WWOX: variants seen among roughly 807,000 people sequenced by gnomAD.
WWOX encodes WW domain-containing oxidoreductase.
In WWOX, 69 loss-of-function variants were observed where a neutral mutation model predicts 46.2. The observed-to-expected ratio is 1.49, with a 90% CI of 1.23 to 1.82. WWOX has a LOEUF of 1.82. WWOX is among the 40% of genes most tolerant of loss of function. The pLI, the probability that WWOX is intolerant of heterozygous loss-of-function variation, is 0.00. For synonymous variants in WWOX, 359 were observed against 202.6 expected (o/e 1.77, Z -6.56); for missense variants, 919 against 542.6 (o/e 1.69, Z -6.89).
At chr16:78,655,068 C>T (rs2047050594) in intron 8 of WWOX, among the ~76,000 whole-genome samples, 3 of 152,088 alleles carry the variant, frequency 2.0e-5, no homozygotes, top group African/African-American at 4.8e-5. Context: ...CTTCTGTGAC[C>T]TTCTCACCTG....
chr16:79,189,233 A>G (rs774237573), intron 8 of WWOX, among the ~76,000 whole-genome samples: 3 of 151,972 alleles, frequency 2.0e-5, no homozygotes, highest in Non-Finnish European at 4.4e-5. Flanking sequence ...ACAGGCATCT[A>G]TTAGGAAAGC....
chr16:78,162,591 C>T (rs1279200969), intron 4 of WWOX, among the ~76,000 whole-genome samples: 1 of 152,040 alleles, frequency 6.6e-6, no homozygotes, highest in Non-Finnish European at 1.5e-5. Flanking sequence ...CATACACATA[C>T]ATATTTCTGC....
rs542886854 is a variant in WWOX, at chr16:78,338,847, TAC to T, written c.517-48011_517-48010del. 1.3e-4 allele frequency among the ~76,000 whole-genome samples: 16 copies of T among 121,152 alleles called. 1 individual carries two copies. The East Asian group carries it at 2.1e-3, about 16-fold the overall frequency. 79.5% of individuals were successfully genotyped at this position (121,152 alleles called of 152,430 possible). A position where few individuals can be genotyped will look rare whatever the true frequency, so the allele number is the denominator to read the frequency against. ...TTTCTTTTTCTTTTTGTAAAAATTG[TAC>T]AGAGTTTAAAGTTAGTCAGGTATGT... On this transcript the variant is annotated intron_variant, in intron 5 of 8. Transcript: ENST00000566780.
chr16:78,932,597 C>T (rs977625815), intron 8 of WWOX, among the ~76,000 whole-genome samples: 1 of 152,310 alleles, frequency 6.6e-6, no homozygotes, highest in South Asian at 2.1e-4. Flanking sequence ...CAAGAGGTGC[C>T]GACCAAGCGC....
chr16:78,333,951 C>G (rs577121372), intron 5 of WWOX, among the ~76,000 whole-genome samples: 1 of 151,470 alleles, frequency 6.6e-6, no homozygotes, highest in Non-Finnish European at 1.5e-5. Context: ...CTTGCGTGAT[C>G]CACTGATGGT....
At position 78,348,233 on chromosome 16, in the gene WWOX, G is replaced by A. The variant is rs2081125924; in HGVS notation, c.517-38627G>A. Among the ~76,000 whole-genome samples, 2 of 121,398 alleles carry A rather than the reference G, an allele frequency of 1.6e-5. 1 individual carries two copies. The highest frequency in any genetic ancestry group is 1.6e-4 in the Admixed American group (2 of 12,474). 79.6% of individuals were successfully genotyped at this position (121,398 alleles called of 152,430 possible). On this transcript the variant is annotated intron_variant, in intron 5 of 8. Coordinates refer to ENST00000566780, the MANE Select transcript of WWOX (RefSeq NM_016373.4). ...GGCAGAAGCCCAGAAGAGACTTCATGTACTGTGACTGTAATAAAGAGGGTT... is the reference window on the plus strand; with the variant it reads ...GGCAGAAGCCCAGAAGAGACTTCATATACTGTGACTGTAATAAAGAGGGTT...
chr16:79,174,200 G>A (rs949721372), intron 8 of WWOX, among the ~76,000 whole-genome samples: 2 of 152,190 alleles, frequency 1.3e-5, no homozygotes, highest in Non-Finnish European at 2.9e-5. Flanking sequence ...GCTTCCCTCA[G>A]CCCAGTTTTC....
In WWOX at chr16:78,412,155, G is replaced by C. The variant is rs141950797; in HGVS notation, c.606-12715G>C. Among the ~76,000 whole-genome samples, 19 of 152,328 alleles carry C rather than the reference G, an allele frequency of 1.2e-4. No individual in the cohort carries two copies. In the South Asian group the frequency reaches 1.9e-3, roughly 15 times the overall value. Reference sequence around the variant, plus strand: ...TTTAGGGGTTCCTAATGAGCCTAGAGATACTGACATTGACCAGTCATGGAG... The same window carrying C: ...TTTAGGGGTTCCTAATGAGCCTAGACATACTGACATTGACCAGTCATGGAG... On this transcript the variant is annotated intron_variant, in intron 6 of 8. Coordinates refer to ENST00000566780, the MANE Select transcript of WWOX (RefSeq NM_016373.4).
chr16:78,568,064 C>A (rs895642055), intron 8 of WWOX, among the ~76,000 whole-genome samples: 46 of 152,132 alleles, frequency 3.0e-4, no homozygotes, highest in Admixed American at 1.3e-4. Context: ...ACAGTGCCTG[C>A]GAGAGACTCT....
intron 8 of WWOX, among the ~76,000 whole-genome samples, chr16:78,497,507 G>A (rs997511357): frequency 1.9e-4 from 28 of 146,054 alleles, no homozygotes; most frequent in African/African-American, 6.9e-4. Flanking sequence ...CAGAAAGGAA[G>A]CAATGAACAG....
At chr16:78,299,818 C>T (rs1032344730) in intron 5 of WWOX, among the ~76,000 whole-genome samples, 7 of 152,112 alleles carry the variant, frequency 4.6e-5, no homozygotes, top group South Asian at 4.1e-4. Context: ...TGTCAGTTAC[C>T]GCACTGGCCT....
chr16:78,131,735 C>T (rs1487261458), intron 4 of WWOX, among the ~76,000 whole-genome samples: 1 of 151,812 alleles, frequency 6.6e-6, no homozygotes, highest in Non-Finnish European at 1.5e-5. Context: ...GTGTGTGTGC[C>T]ACCACGCCCA....
intron 8 of WWOX, among the ~76,000 whole-genome samples, chr16:78,849,055 C>G (rs543817927): frequency 3.3e-5 from 5 of 152,312 alleles, no homozygotes; most frequent in Non-Finnish European, 7.3e-5. Flanking sequence ...TGGGCATGAT[C>G]ACTGTTGACA....
At chr16:78,983,525 C>T (rs116855079) in intron 8 of WWOX, among the ~76,000 whole-genome samples, 295 of 152,244 alleles carry the variant, frequency 1.9e-3, no homozygotes, top group Non-Finnish European at 3.4e-3. Flanking sequence ...AAATGGGGTA[C>T]GTTAAGATCT....
intron 5 of WWOX, among the ~76,000 whole-genome samples, chr16:78,257,987 A>G (rs1382265426): frequency 1.3e-5 from 2 of 152,212 alleles, no homozygotes; most frequent in Non-Finnish European, 2.9e-5. Flanking sequence ...GTTTCCCAGA[A>G]AAACAACTAT....
At chr16:78,312,029 C>T (rs911690993) in intron 5 of WWOX, among the ~76,000 whole-genome samples, 3 of 152,104 alleles carry the variant, frequency 2.0e-5, no homozygotes, top group African/African-American at 7.2e-5. Flanking sequence ...GGCTCCTTTT[C>T]GGTCACCTTC....
rs987620069 is a variant in WWOX at position 78,315,378 on chromosome 16, G to T, written c.517-71482G>T. The stretch of plus-strand genomic sequence containing the variant: ...TAATTATATGATTATGCTGAGTGAG[G>T]TGGCTCAAGCCTGTAATCCCAGCAC... On this transcript the variant is annotated intron_variant, in intron 5 of 8. Coordinates refer to ENST00000566780, the MANE Select transcript of WWOX (RefSeq NM_016373.4). 4.6e-5 allele frequency among the ~76,000 whole-genome samples: 7 copies of T among 152,314 alleles called. No homozygotes were observed. The South Asian group carries it at 1.5e-3, about 32-fold the overall frequency.
At chr16:78,874,464 T>G (rs1015847714) in intron 8 of WWOX, among the ~76,000 whole-genome samples, 2 of 151,946 alleles carry the variant, frequency 1.3e-5, no homozygotes, top group African/African-American at 4.8e-5. Flanking sequence ...TGGGTCGATT[T>G]CAAAAAATTA....
At chr16:78,121,213 A>G (rs1429239147) in intron 4 of WWOX, among the ~76,000 whole-genome samples, 1 of 152,230 alleles carries the variant, frequency 6.6e-6, no homozygotes, top group African/African-American at 2.4e-5. Context: ...ATATTCTGAA[A>G]TAATCGAAAT....
Sources: allele counts gnomAD v4.1 joint callset (sites outside exome capture counted in the v4.1 genomes callset), GRCh38; gene constraint gnomAD v4.1.1; transcripts MANE v1.5; gene names NCBI Gene and HGNC (gene_info 2026-07-23, HGNC 2026-07-21).